PLPPR1: variants seen among roughly 807,000 people sequenced by gnomAD.
PLPPR1 encodes the protein phospholipid phosphatase related 1.
A neutral mutation model predicts 33.1 loss-of-function variants in PLPPR1; 10 were observed. The ratio of observed to expected loss-of-function variants is 0.30; its 90% confidence interval spans 0.19 to 0.51. The LOEUF (loss-of-function observed/expected upper bound fraction) is 0.51, where lower values mean the gene tolerates loss of function less well. Ranked by LOEUF, PLPPR1 falls within the 20% of genes least tolerant of loss-of-function variation. The pLI, the probability that PLPPR1 is intolerant of heterozygous loss-of-function variation, is 0.97. For synonymous variants in PLPPR1, 151 were observed against 151.0 expected, an observed-to-expected ratio of 1.00 and a Z score of 0.00; for missense variants, 304 against 408.1, an observed-to-expected ratio of 0.74 and a Z score of 2.20.
At chr9:101,282,956 C>T (rs1229176212) in intron 3 of PLPPR1, among the ~76,000 whole-genome samples, 1 of 152,080 alleles carries the variant, frequency 6.6e-6, no homozygotes, top group Non-Finnish European at 1.5e-5. Context: ...ATGTTTAATA[C>T]TACATGAAGC....
intron 4 of PLPPR1, among the ~76,000 whole-genome samples, chr9:101,292,457 C>T (rs1196644583): frequency 1.3e-5 from 2 of 152,120 alleles, no homozygotes; most frequent in Non-Finnish European, 2.9e-5. Flanking sequence ...AAACATACTC[C>T]TCGAGAAGAG....
At chr9:101,238,139 A>G (rs1827357439) in intron 2 of PLPPR1, among the ~76,000 whole-genome samples, 1 of 138,984 alleles carries the variant, frequency 7.2e-6, no homozygotes, top group African/African-American at 2.6e-5. Flanking sequence ...ATACATATAC[A>G]CACATATATA....
At chr9:101,145,613 T>C (rs904056931) in intron 1 of PLPPR1, among the ~76,000 whole-genome samples, 9 of 152,048 alleles carry the variant, frequency 5.9e-5, no homozygotes, top group Non-Finnish European at 1.0e-4. Context: ...ACTCCTGACC[T>C]CAGGTGATCC....
intron 2 of PLPPR1, among the ~76,000 whole-genome samples, chr9:101,239,186 G>A (rs1023805785): frequency 6.6e-6 from 1 of 151,614 alleles, no homozygotes; most frequent in Non-Finnish European, 1.5e-5. Context: ...ATAAACGTGG[G>A]GGTGCAGGTA....
intron 2 of PLPPR1, among the ~76,000 whole-genome samples, chr9:101,256,502 G>C (rs537098592): frequency 2.0e-5 from 3 of 152,152 alleles, no homozygotes; most frequent in Non-Finnish European, 4.4e-5. Flanking sequence ...GACAGCCACT[G>C]CTGACGGCTT....
intron 7 of PLPPR1, among the ~76,000 whole-genome samples, chr9:101,318,327 G>A (rs1035602895): frequency 5.9e-5 from 9 of 152,168 alleles, no homozygotes; most frequent in East Asian, 1.9e-4. Context: ...CCAGGAAGAC[G>A]ACTTGCCAAC....
intron 6 of PLPPR1, among the ~76,000 whole-genome samples, chr9:101,316,620 A>AAAAAC (rs971645663): frequency 2.0e-5 from 3 of 150,430 alleles, no homozygotes; most frequent in African/African-American, 7.4e-5. Flanking sequence ...CTTGGGCAAA[A>AAAAAC]AAAAAAAAGC....
intron 1 of PLPPR1, among the ~76,000 whole-genome samples, chr9:101,029,811 G>A (rs1005160424): frequency 5.9e-5 from 9 of 152,192 alleles, no homozygotes; most frequent in Admixed American, 5.2e-4. Flanking sequence ...CTCAGGGAAG[G>A]TGCTGTCTTC....
At chr9:101,111,147 T>C (rs896704661) in intron 1 of PLPPR1, among the ~76,000 whole-genome samples, 1 of 152,016 alleles carries the variant, frequency 6.6e-6, no homozygotes, top group Non-Finnish European at 1.5e-5. Context: ...AGCGGTGGGG[T>C]AATGGGTGAT....
intron 3 of PLPPR1, among the ~76,000 whole-genome samples, chr9:101,279,685 A>G (rs944164241): frequency 1.3e-5 from 2 of 152,214 alleles, no homozygotes; most frequent in Non-Finnish European, 2.9e-5. Flanking sequence ...ATACACACAC[A>G]TGGAAATTAA....
rs532137539 is a variant in PLPPR1, at chr9:101,266,696, T to C, written c.64-3184T>C. ...AGGCAACTATTCAAGATTTGTTCTA[T>C]AGATCTCAAATTTAGGCATGTAATG... On this transcript the variant is annotated intron_variant, in intron 2 of 7. Transcript: ENST00000374874. 3.9e-5 allele frequency among the ~76,000 whole-genome samples: 6 copies of C among 152,346 alleles called. No individual in the cohort carries two copies. In the East Asian group the frequency reaches 1.2e-3, roughly 29 times the overall value.
intron 3 of PLPPR1, among the ~76,000 whole-genome samples, chr9:101,270,424 T>C (rs561886593): frequency 6.6e-6 from 1 of 152,340 alleles, no homozygotes; most frequent in East Asian, 1.9e-4. Flanking sequence ...AGATTCTGAA[T>C]GTAAGTGCTG....
chr9:101,029,692 T>A (rs1829917633), intron 1 of PLPPR1, among the ~76,000 whole-genome samples: 1 of 152,176 alleles, frequency 6.6e-6, no homozygotes, highest in Admixed American at 6.5e-5. Flanking sequence ...CGAGCTCCGG[T>A]GCCAAAGGCG....
chr9:101,052,361 A>G (rs995470272), intron 1 of PLPPR1, among the ~76,000 whole-genome samples: 1 of 152,168 alleles, frequency 6.6e-6, no homozygotes, highest in Non-Finnish European at 1.5e-5. Flanking sequence ...TGGGGGAAGG[A>G]GTAGAGCTAT....
At chr9:101,271,839 T>G (rs562823880) in intron 3 of PLPPR1, among the ~76,000 whole-genome samples, 2 of 152,340 alleles carry the variant, frequency 1.3e-5, no homozygotes, top group Admixed American at 1.3e-4. Flanking sequence ...CATTTATCGT[T>G]GCCTAGGTTC....
At chr9:101,156,078 C>T (rs934900816) in intron 1 of PLPPR1, among the ~76,000 whole-genome samples, 17 of 152,162 alleles carry the variant, frequency 1.1e-4, no homozygotes, top group African/African-American at 4.1e-4. Context: ...AAAAGAGATA[C>T]TGACCTTGTC....
intron 2 of PLPPR1, among the ~76,000 whole-genome samples, chr9:101,207,267 T>TA (rs537478934): frequency 9.1e-4 from 139 of 152,242 alleles, no homozygotes; most frequent in South Asian, 4.1e-3. Context: ...TAATTCCTCT[T>TA]AAAAAAGGAA....
intron 3 of PLPPR1, among the ~76,000 whole-genome samples, chr9:101,278,856 G>A (rs1828245175): frequency 6.6e-6 from 1 of 152,152 alleles, no homozygotes; most frequent in Non-Finnish European, 1.5e-5. Context: ...GCAGCCCCAG[G>A]TTTTGGGCAT....
At chr9:101,247,734 G>A (rs1827638024) in intron 2 of PLPPR1, among the ~76,000 whole-genome samples, 1 of 152,098 alleles carries the variant, frequency 6.6e-6, no homozygotes, top group African/African-American at 2.4e-5. Flanking sequence ...GGATCTCTTA[G>A]TCTGGAGCGC....
Sources: allele counts gnomAD v4.1 joint callset (sites outside exome capture counted in the v4.1 genomes callset), GRCh38; gene constraint gnomAD v4.1.1; transcripts MANE v1.5; gene names NCBI Gene and HGNC (gene_info 2026-07-23, HGNC 2026-07-21).